Variants in EBF1 observed in about 807,000 individuals in gnomAD.
EBF1 encodes EBF transcription factor 1.
Under a neutral mutation model 68.4 loss-of-function variants are expected in EBF1, and 10 were observed. The ratio of observed to expected loss-of-function variants is 0.15; its 90% CI spans 0.09 to 0.25. The LOEUF is 0.25. Ranked by LOEUF, EBF1 falls within the 10% of genes least tolerant of loss-of-function variation. EBF1 has a pLI of 1.00. For missense variants in EBF1, 509 were observed against 794.4 expected, an observed-to-expected ratio of 0.64 and a Z score of 4.32; for synonymous variants, 298 against 299.8, an observed-to-expected ratio of 0.99 and a Z score of 0.06.
chr5:158,865,124 C>A (rs1795655078), intron 6 of EBF1, among the ~76,000 whole-genome samples: 2 of 152,176 alleles, frequency 1.3e-5, no homozygotes, highest in Non-Finnish European at 2.9e-5. Flanking sequence ...TCCCAGGACT[C>A]TTTTCCAGGA....
Position 158,955,681 on chromosome 5 carries a change from C to T in EBF1, c.555-115571G>A, listed in dbSNP as rs115246238. 4.8e-3 allele frequency among the ~76,000 whole-genome samples: 726 copies of T among 152,306 alleles called. 2 individuals are homozygous for T. Among genetic ancestry groups the T allele is most frequent in the Non-Finnish European group, 8.3e-3 (563 of 68,028 alleles). On this transcript the variant is annotated intron_variant, in intron 6 of 15. Transcript: ENST00000313708. ...TGAGTTCATCTCAATATAGTAGTTC[C>T]CTTACAGGGACGCATCATTTCTGAT...
intron 4 of EBF1, among the ~76,000 whole-genome samples, chr5:159,085,983 T>C (rs1780574598): frequency 6.6e-6 from 1 of 152,056 alleles, no homozygotes; most frequent in Non-Finnish European, 1.5e-5. Flanking sequence ...AAATAAAAAA[T>C]GAGAAAATGT....
chr5:159,077,255 T>C (rs750344771), intron 5 of EBF1, among the ~76,000 whole-genome samples: 38 of 152,212 alleles, frequency 2.5e-4, no homozygotes, highest in Admixed American at 6.5e-4. Flanking sequence ...GCCAACACGG[T>C]GAAACCCCAT....
At chr5:158,726,452 G>A (rs191432028) in intron 11 of EBF1, among the ~76,000 whole-genome samples, 5 of 152,328 alleles carry the variant, frequency 3.3e-5, no homozygotes, top group Admixed American at 3.3e-4. Context: ...AAGTGGTGGT[G>A]TTCTATCAAG....
rs145476294 is a variant in EBF1, at chr5:159,053,551, T to C, written c.554+19845A>G. ...TTTCTATCATTCAAGTTTTATTTAT[T>C]CTGTTGATCTGGCATTGGGTATTTT... is the stretch of plus-strand genomic sequence containing the variant. On this transcript the variant is annotated intron_variant, in intron 6 of 15. Transcript: ENST00000313708. 4.4e-3 allele frequency among the ~76,000 whole-genome samples: 668 copies of C among 152,156 alleles called. 4 individuals carry two copies. Among genetic ancestry groups the C allele is most frequent in the African/African-American group, 0.014 (592 of 41,480 alleles).
intron 8 of EBF1, among the ~76,000 whole-genome samples, chr5:158,818,973 G>A (rs1562017975): frequency 6.6e-6 from 1 of 151,692 alleles, no homozygotes; most frequent in Non-Finnish European, 1.5e-5. Flanking sequence ...ACCCTACTGG[G>A]GACTTAATCC....
chr5:158,952,161 C>T (rs1477534773), intron 6 of EBF1, among the ~76,000 whole-genome samples: 2 of 152,138 alleles, frequency 1.3e-5, no homozygotes, highest in East Asian at 1.9e-4. Context: ...ATTAAACTAT[C>T]ACATTTCAAA....
At chr5:158,749,548 C>T (rs142989773) in intron 10 of EBF1, among the ~76,000 whole-genome samples, 5 of 152,232 alleles carry the variant, frequency 3.3e-5, no homozygotes, top group East Asian at 3.9e-4. Context: ...GGATCAACCA[C>T]GCTACAGTGA....
chr5:158,787,896 A>C (rs1244506148), intron 9 of EBF1, among the ~76,000 whole-genome samples: 1 of 152,234 alleles, frequency 6.6e-6, no homozygotes, highest in African/African-American at 2.4e-5. Flanking sequence ...TTACACAACA[A>C]TTATATCTAA....
chr5:158,939,199 G>A (rs1319824524), intron 6 of EBF1, among the ~76,000 whole-genome samples: 1 of 152,182 alleles, frequency 6.6e-6, no homozygotes, highest in Non-Finnish European at 1.5e-5. Context: ...CGGGACAAGG[G>A]CTGAGTCTTC....
chr5:158,774,188 G>A lies in EBF1; in HGVS notation c.1036+3225C>T, dbSNP rs147727057. On this transcript the variant is annotated intron_variant, in intron 10 of 15. Coordinates refer to ENST00000313708, the MANE Select transcript of EBF1 (RefSeq NM_024007.5). ...GCACATTAGCAGCTATGGATTCCTC[G>A]TGCGTCTCTGGTCTGAAGAACCAAT... Among the ~76,000 whole-genome samples the A allele has an allele frequency of 5.4e-3, 827 of 152,100 alleles. 10 individuals are homozygous for A. Among genetic ancestry groups the A allele is most frequent in the African/African-American group, 0.019 (798 of 41,498 alleles).
chr5:158,967,527 TC>T (rs574844633), intron 6 of EBF1, among the ~76,000 whole-genome samples: 61 of 152,278 alleles, frequency 4.0e-4, no homozygotes, highest in African/African-American at 1.3e-3. Context: ...CTAAAACTCA[TC>T]CATATACGTA....
intron 7 of EBF1, among the ~76,000 whole-genome samples, chr5:158,824,185 C>T (rs966949972): frequency 6.6e-6 from 1 of 152,206 alleles, no homozygotes; most frequent in Non-Finnish European, 1.5e-5. Flanking sequence ...TAATAATTGT[C>T]TGTAATTGCA....
chr5:159,043,839 G>A (rs1771758979), intron 6 of EBF1, among the ~76,000 whole-genome samples: 1 of 152,076 alleles, frequency 6.6e-6, no homozygotes, highest in African/African-American at 2.4e-5. Flanking sequence ...GGCTCACCAA[G>A]ACACTACTCC....
At chr5:159,082,958 A>G (rs895050468) in intron 5 of EBF1, among the ~76,000 whole-genome samples, 4 of 152,226 alleles carry the variant, frequency 2.6e-5, no homozygotes, top group African/African-American at 9.6e-5. Flanking sequence ...AAACAAGAAA[A>G]ATATAAACTG....
chr5:158,892,382 G>A (rs757916213), intron 6 of EBF1, among the ~76,000 whole-genome samples: 5 of 152,044 alleles, frequency 3.3e-5, no homozygotes, highest in African/African-American at 4.8e-5. Flanking sequence ...CCAGCTACTC[G>A]GGAAGCTGAG....
intron 9 of EBF1, among the ~76,000 whole-genome samples, chr5:158,778,146 G>A (rs1474531304): frequency 6.6e-6 from 1 of 152,164 alleles, no homozygotes; most frequent in Non-Finnish European, 1.5e-5. Context: ...AGGGAAGGCT[G>A]GGGAGGCTGC....
At chr5:158,727,370 G>A (rs1024022764) in intron 11 of EBF1, among the ~76,000 whole-genome samples, 2 of 152,124 alleles carry the variant, frequency 1.3e-5, no homozygotes, top group Middle Eastern at 3.2e-3. Flanking sequence ...CACAGAGAGC[G>A]CTCCTTGCCC....
At chr5:159,089,116 C>T (rs1479660871) in intron 4 of EBF1, among the ~76,000 whole-genome samples, 1 of 152,058 alleles carries the variant, frequency 6.6e-6, no homozygotes, top group Admixed American at 6.6e-5. Context: ...TGCTGTCATA[C>T]TCTAATGAGT....
Sources: allele counts gnomAD v4.1 joint callset (sites outside exome capture counted in the v4.1 genomes callset), GRCh38; gene constraint gnomAD v4.1.1; transcripts MANE v1.5; gene names NCBI Gene and HGNC (gene_info 2026-07-23, HGNC 2026-07-21).